The following OCA2 variants were observed in gnomAD, a reference collection of about 807,000 sequenced individuals.
The protein encoded by OCA2 is P protein.
A neutral mutation model predicts 100.2 loss-of-function variants in OCA2; 77 were observed. That is an observed-to-expected ratio of 0.77 (90% CI 0.64 to 0.93). The LOEUF (loss-of-function observed/expected upper bound fraction) is 0.93, where lower values mean the gene tolerates loss of function less well. Ranked by LOEUF, OCA2 falls within the 40% of genes least tolerant of loss-of-function variation. The pLI is 0.00. For synonymous variants in OCA2, 432 were observed against 439.2 expected, an observed-to-expected ratio of 0.98 and a Z score of 0.21; for missense variants, 1,062 against 1,089.1, an observed-to-expected ratio of 0.98 and a Z score of 0.35.
chr15:27,771,141 T>G (rs954323370), intron 23 of OCA2, among the ~76,000 whole-genome samples: 3 of 146,624 alleles, frequency 2.0e-5, no homozygotes, highest in Non-Finnish European at 3.0e-5. Flanking sequence ...CTCCCTTCCT[T>G]CCCTCCCCTT....
At chr15:27,962,158 TTTC>T (rs2040430409) in intron 15 of OCA2, among the ~76,000 whole-genome samples, 1 of 152,162 alleles carries the variant, frequency 6.6e-6, no homozygotes, top group Non-Finnish European at 1.5e-5. Flanking sequence ...AAATTCCTTC[TTTC>T]AAATATCCAG....
chr15:28,088,467 A>C (rs2044815758), intron 1 of OCA2, among the ~76,000 whole-genome samples: 1 of 152,248 alleles, frequency 6.6e-6, no homozygotes, highest in African/African-American at 2.4e-5. Flanking sequence ...TGACTTTAAA[A>C]GAGATACACC....
rs576028824 is a variant in OCA2 at position 27,773,113 on chromosome 15, TG to T, written c.2433-17642del. On this transcript the variant is annotated intron_variant, in intron 23 of 23. Transcript: ENST00000354638. ...ACCTTTTCAATTGTATTATTTAAGTTGTATTAGCCATTTATTTTTGTTCACA... is the reference window on the plus strand; with the variant it reads ...ACCTTTTCAATTGTATTATTTAAGTTTATTAGCCATTTATTTTTGTTCACA... Among the ~76,000 whole-genome samples, 23 of 152,348 alleles carry T rather than the reference TG, an allele frequency of 1.5e-4. 1 individual carries two copies. In the South Asian group the frequency reaches 4.8e-3, roughly 32 times the overall value.
Position 27,759,712 on chromosome 15 carries a change from G to C in OCA2, c.2433-4240C>G, listed in dbSNP as rs549790387. 2.8e-3 allele frequency among the ~76,000 whole-genome samples: 423 copies of C among 152,064 alleles called. 2 individuals carry two copies. The highest frequency in any genetic ancestry group is 9.6e-3 in the African/African-American group (397 of 41,516). ...TGACAAGAGAAAGTAAATGACAAGA[G>C]AAAGTGGCACATGCACAAATGGATT... On this transcript the variant is annotated intron_variant, in intron 23 of 23. Coordinates refer to ENST00000354638, the MANE Select transcript of OCA2 (RefSeq NM_000275.3).
intron 9 of OCA2, among the ~76,000 whole-genome samples, chr15:28,010,081 G>A (rs1162315871): frequency 6.6e-6 from 1 of 151,298 alleles, no homozygotes; most frequent in Non-Finnish European, 1.5e-5. Flanking sequence ...ACCATCTCAA[G>A]CAGCTAATGA....
chr15:27,822,715 G>T (rs1175018253), intron 23 of OCA2, among the ~76,000 whole-genome samples: 1 of 152,122 alleles, frequency 6.6e-6, no homozygotes, highest in Non-Finnish European at 1.5e-5. Flanking sequence ...GAGTGAAATT[G>T]CTCATTTTTC....
At chr15:28,039,048 C>T (rs2043126298) in intron 2 of OCA2, among the ~76,000 whole-genome samples, 1 of 151,948 alleles carries the variant, frequency 6.6e-6, no homozygotes, top group African/African-American at 2.4e-5. Context: ...AGACAAAAAC[C>T]GTTACAAGAG....
intron 19 of OCA2, among the ~76,000 whole-genome samples, chr15:27,924,404 T>C (rs1004559165): frequency 2.0e-5 from 3 of 150,148 alleles, no homozygotes; most frequent in African/African-American, 7.4e-5. Flanking sequence ...GTCTTTTTTT[T>C]ATCATTTTTC....
intron 5 of OCA2, 46 bp downstream of exon 5, chr15:28,024,799 G>A: frequency 6.2e-7 from 1 of 1,603,706 alleles, no homozygotes; most frequent in Non-Finnish European, 8.5e-7. Flanking sequence ...GGCACACAGG[G>A]CTTCCACGGA....
In OCA2 at chr15:27,990,618, C is replaced by T. The variant is rs1345376281; in HGVS notation, c.1074G>A (p.Leu358=). The T allele has an allele frequency of 1.2e-6, 2 of 1,613,958 alleles. No individual in the cohort carries two copies. Among genetic ancestry groups the T allele is most frequent in the Non-Finnish European group, 1.7e-6 (2 of 1,180,032 alleles). Residue 358 remains leucine, a synonymous_variant, in exon 10 of 24, where the codon CTG becomes CTA. Coordinates refer to ENST00000354638, the MANE Select transcript of OCA2 (RefSeq NM_000275.3). ...GTGCTGCCAGTGCTGCAAGGGAACC[C>T]AGCATGGCCGCCAGAGTTCTGTGCA... ...EIVHRTLAAM[L]GSLAALAALA...
At chr15:27,770,489 C>T (rs570447397) in intron 23 of OCA2, among the ~76,000 whole-genome samples, 21 of 149,886 alleles carry the variant, frequency 1.4e-4, no homozygotes, top group African/African-American at 4.9e-4. Context: ...AAGCGACCAC[C>T]TCCCGGCTCC....
At chr15:28,024,821 T>C in intron 5 of OCA2, 24 bp downstream of exon 5, 2 of 1,614,044 alleles carry the variant, frequency 1.2e-6, no homozygotes, top group Non-Finnish European at 1.7e-6. Flanking sequence ...CCAACAGTAG[T>C]GCTGGGGCAG....
intron 23 of OCA2, among the ~76,000 whole-genome samples, chr15:27,831,958 C>T (rs34640046): frequency 0.17 from 25,090 of 151,482 alleles, 3,200 homozygotes; most frequent in East Asian, 0.53. Context: ...GCTCCCGAGG[C>T]CGTCTCCAGC....
At chr15:28,039,974 G>A (rs2043154973) in intron 2 of OCA2, among the ~76,000 whole-genome samples, 1 of 151,486 alleles carries the variant, frequency 6.6e-6, no homozygotes, top group Non-Finnish European at 1.5e-5. Context: ...GGAGGTTGCA[G>A]TGAGCCAAGA....
chr15:27,872,970 G>A (rs767218357), intron 19 of OCA2, among the ~76,000 whole-genome samples: 5 of 152,306 alleles, frequency 3.3e-5, no homozygotes, highest in Admixed American at 6.5e-5. Flanking sequence ...GATTACAGGC[G>A]TGAGCCAACG....
chr15:28,014,178 C>T (rs79725759), intron 9 of OCA2, among the ~76,000 whole-genome samples: 115 of 152,290 alleles, frequency 7.6e-4, no homozygotes, highest in African/African-American at 2.6e-3. Flanking sequence ...AAAGCAACAA[C>T]GGACCTGCCC....
At chr15:27,820,038 C>T (rs955476884) in intron 23 of OCA2, among the ~76,000 whole-genome samples, 1 of 152,018 alleles carries the variant, frequency 6.6e-6, no homozygotes, top group African/African-American at 2.4e-5. Flanking sequence ...GAGAGCGCTC[C>T]CAATGGCCAC....
At chr15:27,788,836 T>C (rs2032944412) in intron 23 of OCA2, among the ~76,000 whole-genome samples, 1 of 152,138 alleles carries the variant, frequency 6.6e-6, no homozygotes. Context: ...TCTGACCTAC[T>C]ATTTTAATTC....
downstream of OCA2, among the ~76,000 whole-genome samples, chr15:27,752,837 T>C (rs2030119525): frequency 1.9e-5 from 1 of 53,686 alleles, no homozygotes; most frequent in South Asian, 7.2e-4. Context: ...AGCTGCCTCC[T>C]CTCACTGGCC....
Sources: gnomAD v4.1 joint callset for allele counts (sites outside exome capture counted in the v4.1 genomes callset) on GRCh38, gnomAD v4.1.1 for gene constraint, MANE v1.5 for transcripts, NCBI Gene and HGNC (gene_info 2026-07-23, HGNC 2026-07-21) for gene names.